The following SPECC1 variants were observed in gnomAD, a reference collection of about 807,000 sequenced individuals.
SPECC1 encodes the protein sperm antigen with calponin homology and coiled-coil domains 1.
Under a neutral mutation model 104.1 loss-of-function variants are expected in SPECC1, and 62 were observed. That is an observed-to-expected ratio of 0.60 (90% CI 0.49 to 0.74). The LOEUF (loss-of-function observed/expected upper bound fraction) is 0.74, where lower values mean the gene tolerates loss of function less well. SPECC1 is among the 30% of genes least tolerant of loss of function. The pLI, the probability that SPECC1 is intolerant of heterozygous loss-of-function variation, is 0.00. For missense variants in SPECC1, 1,306 were observed against 1,310.5 expected (o/e 1.00, Z 0.05); for synonymous variants, 513 against 501.6 (o/e 1.02, Z -0.30).
At chr17:20,254,135 G>A (rs1196137057) in intron 10 of SPECC1, among the ~76,000 whole-genome samples, 1 of 12,052 alleles carries the variant, frequency 8.3e-5, no homozygotes, top group African/African-American at 4.3e-4. Flanking sequence ...TTGTTACACC[G>A]TGTGTGTGTG....
chr17:20,088,884 A>C (rs918282342), intron 1 of SPECC1, among the ~76,000 whole-genome samples: 1 of 152,218 alleles, frequency 6.6e-6, no homozygotes, highest in African/African-American at 2.4e-5. Flanking sequence ...GTGCTTGTGC[A>C]AAACAGGCTT....
At position 20,033,314 on chromosome 17, in the gene SPECC1, G is replaced by A. The variant is rs548886555; in HGVS notation, c.-22+23890G>A. Among the ~76,000 whole-genome samples the A allele has an allele frequency of 3.9e-5, 6 of 152,178 alleles. No homozygotes were observed. The East Asian group carries it at 1.2e-3, about 29-fold the overall frequency. ...AACTGGACTTTTCAGATACTGTATT[G>A]TAGGAACTCTGGGTATTGGCTTCCC... is the stretch of plus-strand genomic sequence containing the variant. On this transcript the variant is annotated intron_variant, in intron 1 of 14. Coordinates refer to ENST00000395527, the MANE Select transcript of SPECC1 (RefSeq NM_001243439.2).
chr17:20,232,879 G>T (rs1395496341), intron 7 of SPECC1, among the ~76,000 whole-genome samples: 1 of 152,168 alleles, frequency 6.6e-6, no homozygotes, highest in Non-Finnish European at 1.5e-5. Context: ...CATGAGCTAC[G>T]TCAAAAGGCC....
rs554156575 is a variant in SPECC1 at position 20,150,059 on chromosome 17, G to A, written c.283+39497G>A. Among the ~76,000 whole-genome samples, 109 of 151,810 alleles carry A rather than the reference G, an allele frequency of 7.2e-4. 3 individuals carry two copies. The South Asian group carries it at 0.022, about 31-fold the overall frequency. ...GCGATCTCGGCTCACTGCAAGCTCC[G>A]CCTCCCGGGTTCACACCATTATCCT... On this transcript the variant is annotated intron_variant, in intron 3 of 14. Coordinates refer to ENST00000395527, the MANE Select transcript of SPECC1 (RefSeq NM_001243439.2).
intron 3 of SPECC1, among the ~76,000 whole-genome samples, chr17:20,182,648 A>G (rs1352492359): frequency 6.6e-6 from 1 of 152,198 alleles, no homozygotes; most frequent in Non-Finnish European, 1.5e-5. Context: ...AACTGACCTA[A>G]TGTCATATAA....
intron 1 of SPECC1, among the ~76,000 whole-genome samples, chr17:20,080,232 A>G (rs540938383): frequency 4.1e-4 from 63 of 152,272 alleles, no homozygotes; most frequent in African/African-American, 1.4e-3. Context: ...TCTGATCACA[A>G]AGGGATGCTA....
chr17:20,278,626 T>C (rs3850781), intron 12 of SPECC1, among the ~76,000 whole-genome samples: 2 of 151,568 alleles, frequency 1.3e-5, no homozygotes, highest in African/African-American at 4.8e-5. Context: ...ATCACTTGAG[T>C]ATAGAAGTTT....
At chr17:20,159,474 C>T (rs1334154892) in intron 3 of SPECC1, among the ~76,000 whole-genome samples, 1 of 152,094 alleles carries the variant, frequency 6.6e-6, no homozygotes, top group Non-Finnish European at 1.5e-5. Context: ...AGGTAAAATC[C>T]CCATCTGAGA....
intron 14 of SPECC1, among the ~76,000 whole-genome samples, chr17:20,307,132 G>A (rs1693141682): frequency 2.0e-5 from 3 of 152,024 alleles, no homozygotes; most frequent in African/African-American, 7.2e-5. Flanking sequence ...AATAAATACA[G>A]GGAGATCACC....
At chr17:20,260,355 A>G (rs1424077071) in intron 12 of SPECC1, 61 bp downstream of exon 12, 5 of 1,434,704 alleles carry the variant, frequency 3.5e-6, no homozygotes, top group Non-Finnish European at 3.9e-6. Context: ...CTGTGCCAAT[A>G]CATGTTCCTT....
In SPECC1 at chr17:20,305,703, G is replaced by A. The variant is rs1259084022; in HGVS notation, c.3058-320G>A. ...TTACTTTGATAATTTTTTTGATATA[G>A]CATCATGATTAAGCAACTTTGTTAT... On this transcript the variant is annotated intron_variant, in intron 13 of 14. Coordinates refer to ENST00000395527, the MANE Select transcript of SPECC1 (RefSeq NM_001243439.2). 5.6e-5 allele frequency: 14 copies of A among 251,944 alleles called. No homozygotes were observed. The Admixed American group carries it at 6.4e-4, about 12-fold the overall frequency. 15.6% of individuals were successfully genotyped at this position (251,944 alleles called of 1,614,324 possible).
At chr17:20,176,811 T>G (rs554429565) in intron 3 of SPECC1, among the ~76,000 whole-genome samples, 1 of 152,312 alleles carries the variant, frequency 6.6e-6, no homozygotes, top group African/African-American at 2.4e-5. Context: ...CAGCAGAGAA[T>G]TCAGGATAAT....
intron 12 of SPECC1, among the ~76,000 whole-genome samples, chr17:20,274,893 T>C (rs1378698958): frequency 6.7e-6 from 1 of 149,922 alleles, no homozygotes; most frequent in East Asian, 1.9e-4. Flanking sequence ...TTTTATTTTC[T>C]GTTCGTAATA....
intron 3 of SPECC1, among the ~76,000 whole-genome samples, chr17:20,116,945 A>G (rs2048793756): frequency 2.0e-5 from 3 of 151,610 alleles, no homozygotes; most frequent in African/African-American, 7.3e-5. Flanking sequence ...CTGCCCAAAA[A>G]TGTCAACAGT....
intron 3 of SPECC1, among the ~76,000 whole-genome samples, chr17:20,179,014 A>G (rs779359202): frequency 6.6e-5 from 10 of 152,270 alleles, no homozygotes; most frequent in Non-Finnish European, 1.0e-4. Context: ...TGTATGGATT[A>G]TTGACTCTAA....
At chr17:20,151,430 C>T (rs1050615886) in intron 3 of SPECC1, among the ~76,000 whole-genome samples, 1 of 152,156 alleles carries the variant, frequency 6.6e-6, no homozygotes, top group Non-Finnish European at 1.5e-5. Context: ...AAGCCCATCT[C>T]GACTTAGAAT....
chr17:20,166,504 TATAG>T lies in SPECC1; in HGVS notation c.284-37826_284-37823del, dbSNP rs1381644444. Reference sequence around the variant, plus strand: ...TCAAATAGGAATTGAAAACTACAATTATAGATCATTTAGAAAAATAATTATGAAA... The same window carrying T: ...TCAAATAGGAATTGAAAACTACAATTATCATTTAGAAAAATAATTATGAAA... On this transcript the variant is annotated intron_variant, in intron 3 of 14. Transcript: ENST00000395527. 2.0e-5 allele frequency among the ~76,000 whole-genome samples: 3 copies of T among 152,142 alleles called. No individual in the cohort carries two copies. The East Asian group carries it at 5.8e-4, about 29-fold the overall frequency.
chr17:20,155,922 G>T, intron 3 of SPECC1: 1 of 1,208,444 alleles, frequency 8.3e-7, no homozygotes, highest in Non-Finnish European at 1.0e-6. Flanking sequence ...CGCGCCTGGC[G>T]GGCGGTGTGC....
chr17:20,227,485 A>G lies in SPECC1; in HGVS notation c.1936A>G (p.Lys646Glu), dbSNP rs746921387. ...QAEQLSRTSL[K>E]LQEKASESDA... ...CGAACAGCTGAGCAGAACCAGCCTA[A>G]AGCTGCAAGAAAAAGCATCAGAGAG... The change falls in exon 5 of 15, where the codon AAG (lysine) becomes GAG (glutamate). Residue 646 changes from lysine (K) to glutamate (E), a missense_variant. By Grantham distance (56) the Lys-to-Glu change is moderately conservative. This residue lies in a region of SPECC1 where 1,177 missense variants were observed against 1,139.9 expected (regional missense o/e 1.03). Coordinates refer to ENST00000395527, the MANE Select transcript of SPECC1 (RefSeq NM_001243439.2). The G allele has an allele frequency of 4.5e-5, 73 of 1,613,784 alleles. No individual in the cohort carries two copies. Among genetic ancestry groups the G allele is most frequent in the Non-Finnish European group, 6.0e-5 (71 of 1,179,952 alleles).
Sources: allele counts gnomAD v4.1 joint callset (sites outside exome capture counted in the v4.1 genomes callset), GRCh38; gene constraint gnomAD v4.1.1; regional missense constraint gnomAD v4.1.1; transcripts MANE v1.5; gene names NCBI Gene and HGNC (gene_info 2026-07-23, HGNC 2026-07-21).